C12orf42: variants seen among roughly 807,000 people sequenced by gnomAD.
C12orf42 encodes the protein chromosome 12 open reading frame 42.
Under a neutral mutation model 21.6 loss-of-function variants are expected in C12orf42, and 25 were observed. The observed-to-expected ratio is 1.16, with a 90% CI of 0.84 to 1.62. The LOEUF is 1.62. Among genes scored for constraint, C12orf42 ranks in the 40% most tolerant of loss-of-function variants. The pLI, the probability that C12orf42 is intolerant of heterozygous loss-of-function variation, is 0.00. For missense variants in C12orf42, 483 were observed against 459.3 expected (o/e 1.05, Z -0.47); for synonymous variants, 174 against 175.0 (o/e 0.99, Z 0.05).
chr12:103,488,094 T>C (rs1593012059), intron 1 of C12orf42, among the ~76,000 whole-genome samples: 1 of 152,236 alleles, frequency 6.6e-6, no homozygotes, highest in East Asian at 1.9e-4. Context: ...TGGCTGGTAC[T>C]GGCTGTTCCT....
the C12orf42 span, among the ~76,000 whole-genome samples, chr12:103,201,049 C>T: frequency 1.1e-4 from 17 of 152,218 alleles, no homozygotes; most frequent in African/African-American, 3.4e-4. Context: ...AGTCAGTTGG[C>T]GAGAGGTCAG....
chr12:103,345,828 A>C (rs537615532), intron 4 of C12orf42, among the ~76,000 whole-genome samples: 1 of 152,338 alleles, frequency 6.6e-6, no homozygotes, highest in African/African-American at 2.4e-5. Context: ...ACTATGAAGC[A>C]ATATAGAAAA....
intron 1 of C12orf42, among the ~76,000 whole-genome samples, chr12:103,491,811 A>T (rs1955202705): frequency 1.3e-5 from 2 of 152,214 alleles, no homozygotes; most frequent in South Asian, 4.1e-4. Context: ...TCAGAGAGTC[A>T]TTTTAGTGGA....
chr12:103,254,487 A>G (rs756393145), intron 10 of C12orf42, among the ~76,000 whole-genome samples: 3 of 152,230 alleles, frequency 2.0e-5, no homozygotes, highest in Non-Finnish European at 4.4e-5. Flanking sequence ...AGTAACCAAA[A>G]CAGCATAGTG....
chr12:103,538,256 G>A, the C12orf42 span, among the ~76,000 whole-genome samples: 2 of 152,188 alleles, frequency 1.3e-5, no homozygotes, highest in African/African-American at 4.8e-5. Flanking sequence ...CTGCTAGCTG[G>A]GAAGAAAAAT....
rs184217441 is a variant in C12orf42 at position 103,469,510 on chromosome 12, T to C, written c.78+8839A>G. On this transcript the variant is annotated intron_variant, in intron 2 of 5. Coordinates refer to ENST00000548883, the MANE Select transcript of C12orf42 (RefSeq NM_198521.5). The stretch of plus-strand genomic sequence containing the variant: ...TGAATACTTTTTTAAGAAAATCTGA[T>C]TTTTTGGCCACATAATATCACTATT... Among the ~76,000 whole-genome samples, 542 of 152,314 alleles carry C rather than the reference T, an allele frequency of 3.6e-3. 6 individuals carry two copies. Among genetic ancestry groups the C allele is most frequent in the African/African-American group, 0.012 (507 of 41,570 alleles).
At chr12:103,063,945 A>G in the C12orf42 span, among the ~76,000 whole-genome samples, 1 of 152,132 alleles carries the variant, frequency 6.6e-6, no homozygotes, top group Non-Finnish European at 1.5e-5. Flanking sequence ...GTTGTAGCTC[A>G]GGGAGTTAAA....
chr12:103,053,730 C>T, the C12orf42 span, among the ~76,000 whole-genome samples: 5 of 151,800 alleles, frequency 3.3e-5, no homozygotes, highest in Admixed American at 2.6e-4. Flanking sequence ...TGTATTTCTA[C>T]AGTTTTCATT....
chr12:103,140,703 T>A, the C12orf42 span, among the ~76,000 whole-genome samples: 1 of 152,108 alleles, frequency 6.6e-6, no homozygotes, highest in Non-Finnish European at 1.5e-5. Flanking sequence ...AGAGACAAGC[T>A]TTATTAGCAT....
At chr12:103,068,881 A>G in the C12orf42 span, among the ~76,000 whole-genome samples, 2 of 136,654 alleles carry the variant, frequency 1.5e-5, no homozygotes, top group African/African-American at 5.5e-5. Context: ...CTCTCTATAT[A>G]TATATATAGA....
At chr12:103,507,130 A>T in the C12orf42 span, among the ~76,000 whole-genome samples, 8 of 17,756 alleles carry the variant, frequency 4.5e-4, no homozygotes, top group African/African-American at 3.1e-3. Flanking sequence ...TATATATAAT[A>T]TATATTATAT....
chr12:103,167,195 C>T, the C12orf42 span, among the ~76,000 whole-genome samples: 1 of 152,156 alleles, frequency 6.6e-6, no homozygotes, highest in Non-Finnish European at 1.5e-5. Context: ...TCCGACTTGG[C>T]CCAGCCCCAG....
At chr12:103,202,449 G>T in the C12orf42 span, among the ~76,000 whole-genome samples, 1 of 152,138 alleles carries the variant, frequency 6.6e-6, no homozygotes, top group South Asian at 2.1e-4. Context: ...CATACACCCT[G>T]AAAATACCTG....
the C12orf42 span, among the ~76,000 whole-genome samples, chr12:103,220,365 T>G: frequency 6.6e-6 from 1 of 152,188 alleles, no homozygotes; most frequent in Admixed American, 6.5e-5. Flanking sequence ...CTACACGTTC[T>G]GCACATGTAT....
chr12:103,396,667 G>A (rs1209438622), intron 3 of C12orf42: 1 of 152,190 alleles, frequency 6.6e-6, no homozygotes, highest in Non-Finnish European at 1.5e-5. Flanking sequence ...TCCAGACCAG[G>A]TCTACTGGTT....
At chr12:103,328,761 T>A (rs913876009) in intron 4 of C12orf42, among the ~76,000 whole-genome samples, 2 of 152,202 alleles carry the variant, frequency 1.3e-5, no homozygotes, top group Non-Finnish European at 2.9e-5. Flanking sequence ...ATGCAAGCCA[T>A]GTTATTGAAA....
intron 2 of C12orf42, 31 bp downstream of exon 2, chr12:103,478,318 G>A (rs1398934870): frequency 6.8e-7 from 1 of 1,467,642 alleles, no homozygotes; most frequent in South Asian, 1.2e-5. Flanking sequence ...CCTAAAAAAA[G>A]TAAGAAAATA....
chr12:103,356,413 C>T (rs1188414723), intron 4 of C12orf42, among the ~76,000 whole-genome samples: 1 of 152,142 alleles, frequency 6.6e-6, no homozygotes, highest in Non-Finnish European at 1.5e-5. Context: ...GTAGCTTAAT[C>T]CAGTCTATCA....
In C12orf42 at chr12:103,332,143, G is replaced by T. The variant is rs142686281; in HGVS notation, c.260-25798C>A. Among the ~76,000 whole-genome samples, 171 of 152,302 alleles carry T rather than the reference G, an allele frequency of 1.1e-3. 1 individual carries two copies. Among genetic ancestry groups the T allele is most frequent in the African/African-American group, 3.8e-3 (158 of 41,542 alleles). On this transcript the variant is annotated intron_variant, in intron 4 of 5. Transcript: ENST00000548883. Reference sequence around the variant, plus strand: ...GGCAAAATGAAACCATGCTCACAATGGGGAGTGACTGTTCACTGAGGACCT... The same window carrying T: ...GGCAAAATGAAACCATGCTCACAATTGGGAGTGACTGTTCACTGAGGACCT...
Sources: gnomAD v4.1 joint callset for allele counts (sites outside exome capture counted in the v4.1 genomes callset) on GRCh38, gnomAD v4.1.1 for gene constraint, MANE v1.5 for transcripts, NCBI Gene and HGNC (gene_info 2026-07-23, HGNC 2026-07-21) for gene names.